KIAA1210: variants seen among roughly 807,000 people sequenced by gnomAD.
The protein encoded by KIAA1210 is acrosomal protein KIAA1210.
A neutral mutation model predicts 78.9 loss-of-function variants in KIAA1210; 48 were observed. That is an observed-to-expected ratio of 0.61 (90% confidence interval 0.48 to 0.77). KIAA1210 has a LOEUF of 0.77. Among genes scored for constraint, KIAA1210 ranks in the 30% least tolerant of loss-of-function variants. The pLI is 0.00. For synonymous variants in KIAA1210, 406 were observed against 404.5 expected (o/e 1.00, Z -0.04); for missense variants, 1,108 against 1,100.0 (o/e 1.01, Z -0.10).
intron 9 of KIAA1210, among the ~76,000 whole-genome samples, 156 bp from the exon 10 acceptor site, chrX:119,085,702 G>T (rs770732491): frequency 8.9e-6 from 1 of 112,232 alleles, no homozygotes; most frequent in East Asian, 2.8e-4. Flanking sequence ...CCTTTTTTGG[G>T]CCCTCCCTAT....
intron 3 of KIAA1210, among the ~76,000 whole-genome samples, chrX:119,114,700 C>T (rs954984452): frequency 9.0e-6 from 1 of 111,495 alleles, no homozygotes; most frequent in African/African-American, 3.3e-5. Context: ...CATTTCCATG[C>T]TGTGCATTAA....
chrX:119,097,028 C>T (rs1403211050), intron 6 of KIAA1210, among the ~76,000 whole-genome samples: 1 of 111,309 alleles, frequency 9.0e-6, no homozygotes, highest in African/African-American at 3.3e-5. Context: ...GTCCTAGATC[C>T]CCTTCTTATC....
chrX:119,122,203 C>T (rs772056428), intron 2 of KIAA1210, among the ~76,000 whole-genome samples: 1 of 107,120 alleles, frequency 9.3e-6, no homozygotes, highest in East Asian at 3.0e-4. Context: ...GTAGCTGGAA[C>T]TACAGACGCC....
chrX:119,085,175 C>G (rs1190343024), intron 10 of KIAA1210, among the ~76,000 whole-genome samples: 1 of 112,392 alleles, frequency 8.9e-6, no homozygotes, highest in East Asian at 2.8e-4. Flanking sequence ...AGCCACCGCA[C>G]CTGGCCTGCA....
At chrX:119,101,909 G>A (rs145582088) in intron 6 of KIAA1210, among the ~76,000 whole-genome samples, 2,070 of 112,346 alleles carry the variant, frequency 0.018, 45 homozygotes, top group African/African-American at 0.062. Context: ...CAGTTTTCAT[G>A]TCTGTAAAAT....
intron 2 of KIAA1210, among the ~76,000 whole-genome samples, chrX:119,135,171 T>A: frequency 8.9e-6 from 1 of 111,909 alleles, no homozygotes; most frequent in Non-Finnish European, 1.9e-5. Flanking sequence ...TTAAAGCCCA[T>A]GATTCGACCA....
chrX:119,132,166 G>A (rs769985419), upstream of KIAA1210, among the ~76,000 whole-genome samples: 8 of 112,221 alleles, frequency 7.1e-5, no homozygotes, highest in South Asian at 3.0e-3. Context: ...TACCTCAGAG[G>A]AGACCTCAGC....
chrX:119,144,418 C>A (rs1458550362), intron 2 of KIAA1210, among the ~76,000 whole-genome samples: 4 of 112,538 alleles, frequency 3.6e-5, no homozygotes, highest in African/African-American at 9.7e-5. Flanking sequence ...TTGGCACAAA[C>A]CTTATGCTTC....
intron 2 of KIAA1210, among the ~76,000 whole-genome samples, chrX:119,120,205 C>T (rs1162619901): frequency 9.0e-6 from 1 of 111,422 alleles, no homozygotes. Context: ...CAGGTATGAG[C>T]TACTGTGCCC....
chrX:119,116,549 G>A lies in KIAA1210; in HGVS notation c.177C>T (p.Asn59=). The A allele has an allele frequency of 8.3e-7, 1 of 1,211,498 alleles. No homozygotes were observed. Among genetic ancestry groups the A allele is most frequent in the South Asian group, 1.8e-5 (1 of 56,858 alleles). Residue 59 remains asparagine (N), a synonymous_variant, in exon 3 of 12, where the codon AAC becomes AAT. Coordinates refer to ENST00000691062, the MANE Select transcript of KIAA1210 (RefSeq NM_001394962.1). The part of the protein sequence containing the change: ...EMLELSLSSS[N]INISSLQPVR... ...CGGGCTGCAGAGAAGAGATGTTAAT[G>A]TTGCTGCTGGACAAGCTCAGTTCTA...
chrX:119,093,754 G>GCTC lies in KIAA1210; in HGVS notation c.865_867dup (p.Glu289dup). 1 of 1,206,481 alleles carries GCTC rather than the reference G, an allele frequency of 8.3e-7. No homozygotes were observed. The highest frequency in any genetic ancestry group is 1.7e-5 in the African/African-American group (1 of 57,532). On this transcript the variant is annotated inframe_insertion, in exon 8 of 12. Transcript: ENST00000691062. ...TCTTCAGAAACCAATGGAAGGTTTG[G>GCTC]CTCCTCCTCCTTTGGTTCCACCTGA...
At chrX:119,150,205 A>T in intron 1 of KIAA1210, 1 of 959,066 alleles carries the variant, frequency 1.0e-6, no homozygotes, top group African/African-American at 1.9e-5. Context: ...TATAAACATC[A>T]CCCTTGTGCA....
chrX:119,083,057 C>T lies in KIAA1210; in HGVS notation c.4384G>A (p.Glu1462Lys), dbSNP rs1927016610. 8.3e-7 allele frequency: 1 copy of T among 1,208,593 alleles called. No individual in the cohort carries two copies. Among genetic ancestry groups the T allele is most frequent in the Non-Finnish European group, 1.1e-6 (1 of 894,021 alleles). The change falls in exon 11 of 12, where the codon GAG (glutamate) becomes AAG (lysine). Residue 1462 changes from glutamate to lysine, a missense_variant. Around this residue, in one of 5 missense-constraint regions of KIAA1210, gnomAD observed 245 missense variants for 278.8 expected, o/e 0.88. Coordinates refer to ENST00000691062, the MANE Select transcript of KIAA1210 (RefSeq NM_001394962.1). ...GGTGGCTTCATCTGTGCTGTCTTCT[C>T]CTGTTTATGGACACTGGAAGTGAAC... ...KMFTSSVHKQ[E>K]KTAQMKPPKP...
intron 8 of KIAA1210, among the ~76,000 whole-genome samples, chrX:119,090,168 G>C (rs1435731010): frequency 2.0e-5 from 2 of 100,889 alleles, no homozygotes; most frequent in Non-Finnish European, 3.9e-5. Context: ...CATATCATGT[G>C]CATGTATTGC....
chrX:119,088,344 T>C lies in KIAA1210; in HGVS notation c.2358A>G (p.Glu786=). 1 of 1,209,931 alleles carries C rather than the reference T, an allele frequency of 8.3e-7. No individual in the cohort carries two copies. The highest frequency in any genetic ancestry group is 2.2e-5 in the Admixed American group (1 of 45,918). Residue 786 remains glutamate, a synonymous_variant, in exon 9 of 12, where the codon GAA becomes GAG. Coordinates refer to ENST00000691062, the MANE Select transcript of KIAA1210 (RefSeq NM_001394962.1). ...CCATGCTCTTTGGAGATGAGGAAAC[T>C]TCTTGCTCCACTTTAGGGTTCACCC... ...QPWVNPKVEQ[E]VSSSPKSMAV... is the part of the protein sequence containing the mutation.
In KIAA1210 at chrX:119,102,076, C is replaced by G. The variant is rs1398871572; in HGVS notation, c.648+2916G>C. 2.7e-5 allele frequency among the ~76,000 whole-genome samples: 3 copies of G among 112,859 alleles called. No homozygotes were observed. The East Asian group carries it at 8.3e-4, about 31-fold the overall frequency. On this transcript the variant is annotated intron_variant, in intron 6 of 11. Coordinates refer to ENST00000691062, the MANE Select transcript of KIAA1210 (RefSeq NM_001394962.1). ...GGCATTGGTTATAAAAAGAGGACTG[C>G]TAGAAGCCACATAGTTCAGTGAAAA...
At chrX:119,125,570 C>T (rs192514743) in intron 1 of KIAA1210, among the ~76,000 whole-genome samples, 142 of 101,262 alleles carry the variant, frequency 1.4e-3, no homozygotes, top group African/African-American at 4.7e-3. Flanking sequence ...TTAGAGACAG[C>T]GCCTTGCTCT....
intron 1 of KIAA1210, among the ~76,000 whole-genome samples, chrX:119,149,435 A>T (rs1264921512): frequency 9.0e-6 from 1 of 111,098 alleles, no homozygotes; most frequent in African/African-American, 3.3e-5. Context: ...CTTTGTGCCG[A>T]ATTGTCAGGG....
intron 1 of KIAA1210, among the ~76,000 whole-genome samples, chrX:119,149,808 C>T (rs1929250187): frequency 9.0e-6 from 1 of 111,055 alleles, no homozygotes; most frequent in African/African-American, 3.3e-5. Flanking sequence ...TAAGACAACT[C>T]GGAAAATTTA....
Sources: allele counts gnomAD v4.1 joint callset (sites outside exome capture counted in the v4.1 genomes callset), GRCh38; gene constraint gnomAD v4.1.1; regional missense constraint gnomAD v4.1.1; transcripts MANE v1.5; gene names NCBI Gene and HGNC (gene_info 2026-07-23, HGNC 2026-07-21).